STAG2: variants seen among roughly 807,000 people sequenced by gnomAD.
STAG2 encodes STAG2 cohesin complex component, also known as cohesin subunit SA-2.
STAG2 carries 14 observed loss-of-function variants against 108.1 expected under a neutral mutation model. That is an observed-to-expected ratio of 0.13 (90% confidence interval 0.09 to 0.20). The LOEUF (loss-of-function observed/expected upper bound fraction) is 0.20, where lower values mean the gene tolerates loss of function less well. STAG2 is among the 10% of genes least tolerant of loss of function. The pLI is 1.00. For synonymous variants in STAG2, 307 were observed against 302.7 expected (o/e 1.01, Z -0.15); for missense variants, 440 against 940.9 (o/e 0.47, Z 6.96).
chrX:123,987,030 T>A (rs1198892434), intron 1 of STAG2, among the ~76,000 whole-genome samples: 1 of 109,406 alleles, frequency 9.1e-6, no homozygotes, highest in East Asian at 2.9e-4. Flanking sequence ...TCTCGCTCTG[T>A]CACCCAGGCT....
chrX:123,984,655 A>AC (rs1556442835), intron 1 of STAG2, among the ~76,000 whole-genome samples: 3 of 110,278 alleles, frequency 2.7e-5, no homozygotes, highest in East Asian at 5.6e-4. Context: ...TTTAATTTAA[A>AC]TTTTTTTTTG....
rs766022771 is a variant in STAG2, at chrX:124,077,981, A to G, written c.2698A>G (p.Ile900Val). 1.7e-6 allele frequency: 2 copies of G among 1,186,703 alleles called. No individual in the cohort carries two copies. Among genetic ancestry groups the G allele is most frequent in the Non-Finnish European group, 2.3e-6 (2 of 881,057 alleles). Residue 900 changes from isoleucine to valine, a missense_variant, in exon 27 of 35, where the codon ATC becomes GTC. Physicochemically the swap from Ile to Val is conservative, Grantham distance 29. Around this residue, in one of 3 missense-constraint regions of STAG2, gnomAD observed 337 missense variants for 649.3 expected, o/e 0.52. Coordinates refer to ENST00000371145, the MANE Select transcript of STAG2 (RefSeq NM_001042750.2). ...GTATTATAATGACTATGGAGATATC[A>G]TCAAAGAAACAATGAGTAAAACAAG... ...MKYYNDYGDI[I>V]KETMSKTRQI...
chrX:124,090,571 C>G lies in STAG2; in HGVS notation c.3278-4C>G. ...TAAACCTCGTCGTTAATTTTCTTTTCCAGCTGAAGAAAGTAGTAGTAGTGA... is the reference window on the plus strand; with the variant it reads ...TAAACCTCGTCGTTAATTTTCTTTTGCAGCTGAAGAAAGTAGTAGTAGTGA... On this transcript the variant is annotated splice_region_variant and splice_polypyrimidine_tract_variant and intron_variant, in intron 30 of 34. Coordinates refer to ENST00000371145, the MANE Select transcript of STAG2 (RefSeq NM_001042750.2). 1 of 1,142,240 alleles carries G rather than the reference C, an allele frequency of 8.8e-7. No individual in the cohort carries two copies. The allele number at this position is 1,142,240 out of a possible 1,213,427, so 94.1% of individuals were successfully genotyped here.
At chrX:123,976,739 A>G (rs5958366) in intron 1 of STAG2, among the ~76,000 whole-genome samples, 1,422 of 111,605 alleles carry the variant, frequency 0.013, 25 homozygotes, top group African/African-American at 0.043. Flanking sequence ...CAACAACCCT[A>G]TTGAGGTTGT....
intron 6 of STAG2, among the ~76,000 whole-genome samples, chrX:124,039,682 G>T (rs1487009717): frequency 1.9e-4 from 19 of 102,605 alleles, no homozygotes; most frequent in Non-Finnish European, 3.6e-4. Flanking sequence ...GTAGAGACAG[G>T]TCTTTCTCTG....
At position 124,083,439 on chromosome X, in the gene STAG2, T is replaced by C. The variant is rs922877720; in HGVS notation, c.2943T>C (p.Ala981=). The C allele has an allele frequency of 1.3e-4, 148 of 1,182,551 alleles. No homozygotes were observed. The highest frequency in any genetic ancestry group is 1.5e-4 in the Non-Finnish European group (136 of 883,617). The change falls in exon 29 of 35, where the codon GCT becomes GCC. Residue 981 remains alanine, a synonymous_variant. Transcript: ENST00000371145. ...TTTGCAGAGATGGCATAGAATTTGC[T>C]TTTAAAGAGCCTAATCCGCAAGGGG... is the stretch of plus-strand genomic sequence containing the variant. ...AMLHKDGIEF[A]FKEPNPQGES...
At chrX:124,093,948 C>T in intron 32 of STAG2, 70 bp from the exon 33 acceptor site, 1 of 1,115,459 alleles carries the variant, frequency 9.0e-7, no homozygotes, top group Non-Finnish European at 1.2e-6. Context: ...TAGAGAGCCA[C>T]ATACTGCTGC....
intron 1 of STAG2, among the ~76,000 whole-genome samples, chrX:123,983,969 C>CTTTTTTTTTTTTTTTT (rs1569493164): frequency 1.5e-5 from 1 of 64,647 alleles, no homozygotes; most frequent in African/African-American, 7.4e-5. Context: ...ATTTTCTTTT[C>CTTTTTTTTTTTTTTTT]TTTTCTTTTT....
chrX:124,028,981 T>TTATTTA (rs1556501904), intron 4 of STAG2, among the ~76,000 whole-genome samples: 10 of 80,595 alleles, frequency 1.2e-4, no homozygotes, highest in African/African-American at 5.4e-4. Context: ...TTATTTATTT[T>TTATTTA]TATTTATATA....
At chrX:124,091,803 T>C (rs977479953) in intron 32 of STAG2, among the ~76,000 whole-genome samples, 37 of 112,852 alleles carry the variant, frequency 3.3e-4, no homozygotes, top group African/African-American at 9.0e-4. Context: ...GCTAAGTAAA[T>C]GTTCATTGAA....
chrX:124,048,971 T>C, intron 9 of STAG2, 34 bp from the exon 10 acceptor site: 1 of 1,129,185 alleles, frequency 8.9e-7, no homozygotes, highest in Non-Finnish European at 1.2e-6. Flanking sequence ...TGTCTTCCTT[T>C]ACAATTGAAA....
intron 1 of STAG2, among the ~76,000 whole-genome samples, chrX:123,995,675 C>T (rs931506519): frequency 3.7e-5 from 4 of 107,932 alleles, no homozygotes; most frequent in African/African-American, 1.4e-4. Context: ...GCCTGGGTGA[C>T]AAAGCAAGAC....
intron 20 of STAG2, among the ~76,000 whole-genome samples, chrX:124,065,218 ATGG>A (rs749309819): frequency 6.2e-5 from 7 of 112,253 alleles, no homozygotes; most frequent in Non-Finnish European, 1.1e-4. Flanking sequence ...AAATCAAGCA[ATGG>A]TTTAATTAAA....
At chrX:123,962,187 G>C (rs1451805344) in intron 1 of STAG2, 1 of 110,986 alleles carries the variant, frequency 9.0e-6, no homozygotes, top group Non-Finnish European at 1.9e-5. Context: ...CCTGGATCCG[G>C]AGATCTGCGG....
chrX:124,086,379 G>T lies in STAG2; in HGVS notation c.3054-168G>T, dbSNP rs779216434. Among the ~76,000 whole-genome samples, 3 of 111,837 alleles carry T rather than the reference G, an allele frequency of 2.7e-5. No individual in the cohort carries two copies. The East Asian group carries it at 8.4e-4, about 31-fold the overall frequency. ...CAGCAAATGTTAAACTGAGTGCTCT[G>T]AATTATTTCATTTGATGTGAAAATC... On this transcript the variant is annotated intron_variant, in intron 29 of 34. Transcript: ENST00000371145.
In STAG2 at chrX:124,094,006, A is replaced by G. The variant is rs764491120; in HGVS notation, c.3579-12A>G. 5 of 1,208,429 alleles carry G rather than the reference A, an allele frequency of 4.1e-6. No homozygotes were observed. The African/African-American group carries it at 5.3e-5, about 13-fold the overall frequency. On this transcript the variant is annotated splice_polypyrimidine_tract_variant and intron_variant, in intron 32 of 34. Transcript: ENST00000371145. ...TTAGTTCAGATCTTGACTTTGTTTT[A>G]TATTTCTCTAGTCGGCGTGGCACAA... is the stretch of plus-strand genomic sequence containing the variant.
At chrX:124,018,957 G>A (rs1395865211) in intron 1 of STAG2, among the ~76,000 whole-genome samples, 1 of 107,528 alleles carries the variant, frequency 9.3e-6, no homozygotes, top group Non-Finnish European at 1.9e-5. Context: ...TTTAATATTT[G>A]TAATTTTTTG....
At chrX:124,025,110 G>T (rs1028131771) in intron 3 of STAG2, among the ~76,000 whole-genome samples, 3 of 111,288 alleles carry the variant, frequency 2.7e-5, no homozygotes, top group African/African-American at 9.8e-5. Flanking sequence ...AGATTCATAT[G>T]TTGGAGATTG....
rs2057839463 is a variant in STAG2 at position 124,045,241 on chromosome X, C to G, written c.540C>G (p.Gly180=). 1 of 1,208,042 alleles carries G rather than the reference C, an allele frequency of 8.3e-7. No individual in the cohort carries two copies. Among genetic ancestry groups the G allele is most frequent in the African/African-American group, 1.8e-5 (1 of 56,943 alleles). The change falls in exon 8 of 35, where the codon GGC becomes GGG. Residue 180 remains glycine (G), a synonymous_variant. Coordinates refer to ENST00000371145, the MANE Select transcript of STAG2 (RefSeq NM_001042750.2). ...KFKSSFCEFI[G]VLVRQCQYSI... Reference sequence around the variant, plus strand: ...AATCCAGTTTTTGTGAATTCATTGGCGTGTTAGTACGGCAATGTCAATATA... The same window carrying G: ...AATCCAGTTTTTGTGAATTCATTGGGGTGTTAGTACGGCAATGTCAATATA...
Sources: allele counts gnomAD v4.1 joint callset (sites outside exome capture counted in the v4.1 genomes callset), GRCh38; gene constraint gnomAD v4.1.1; regional missense constraint gnomAD v4.1.1; transcripts MANE v1.5; gene names NCBI Gene and HGNC (gene_info 2026-07-23, HGNC 2026-07-21).